The following ING5 variants were observed in gnomAD, a reference collection of about 807,000 sequenced individuals.
ING5 encodes inhibitor of growth family member 5.
Under a neutral mutation model 37.4 loss-of-function variants are expected in ING5, and 17 were observed. The observed-to-expected ratio is 0.45, with a 90% CI of 0.31 to 0.68. ING5 has a LOEUF of 0.68. Ranked by LOEUF, ING5 falls within the 30% of genes least tolerant of loss-of-function variation. The pLI is 0.05. For synonymous variants in ING5, 123 were observed against 116.6 expected (o/e 1.06, Z -0.36); for missense variants, 233 against 311.9 (o/e 0.75, Z 1.91).
At chr2:241,687,099 G>C (rs2069445654) in exon 1 of ING5, 1 of 390,028 alleles carries the variant, frequency 2.6e-6, no homozygotes, top group Non-Finnish European at 4.5e-6. Context: ...CGGGCTGGAC[G>C]GCCGGAGACG....
In ING5 at chr2:241,725,267, A is replaced by T. The variant is rs1233778143; in HGVS notation, c.*236A>T. ...TGTGGCTTTTACAGGACTCCCCCCG[A>T]GCATCAGCAGGGACCCCGGCGGACG... is the stretch of plus-strand genomic sequence containing the variant. On this transcript the variant is annotated 3_prime_UTR_variant, in exon 8 of 8. Coordinates refer to ENST00000313552, the MANE Select transcript of ING5 (RefSeq NM_032329.6). The T allele has an allele frequency of 1.5e-5, 8 of 546,258 alleles. No individual in the cohort carries two copies. The highest frequency in any genetic ancestry group is 9.4e-5 in the Admixed American group (3 of 32,022). 33.8% of individuals were successfully genotyped at this position (546,258 alleles called of 1,614,324 possible). A position where few individuals can be genotyped will look rare whatever the true frequency, so the allele number is the denominator to read the frequency against.
chr2:241,723,690 GGC>G (rs1691490089), intron 7 of ING5: 1 of 1,443,854 alleles, frequency 6.9e-7, no homozygotes, highest in African/African-American at 1.4e-5. Flanking sequence ...ATGGATCTGG[GGC>G]TCTGCCCCTG....
intron 5 of ING5, among the ~76,000 whole-genome samples, chr2:241,712,852 C>T (rs62191349): frequency 1.6e-3 from 243 of 151,904 alleles, no homozygotes; most frequent in Admixed American, 3.1e-3. Context: ...CAAGTGAGTC[C>T]CCCATCTCTA....
chr2:241,718,528 G>A (rs1374075876), intron 5 of ING5, among the ~76,000 whole-genome samples: 1 of 149,004 alleles, frequency 6.7e-6, no homozygotes, highest in African/African-American at 2.5e-5. Flanking sequence ...GCGATTCTCT[G>A]CCTCAGCCTC....
chr2:241,714,538 G>C (rs897956867), intron 5 of ING5, among the ~76,000 whole-genome samples: 6 of 151,178 alleles, frequency 4.0e-5, no homozygotes, highest in African/African-American at 1.5e-4. Flanking sequence ...TGTCTGTTAT[G>C]ATGACCCCTC....
chr2:241,694,005 G>T (rs1250428234), intron 2 of ING5: 1 of 151,766 alleles, frequency 6.6e-6, no homozygotes, highest in East Asian at 1.9e-4. Context: ...GGGTTTGCCA[G>T]TTTTGTGTGT....
chr2:241,721,717 T>C (rs2070442100), intron 5 of ING5: 1 of 985,478 alleles, frequency 1.0e-6, no homozygotes, highest in Non-Finnish European at 1.2e-6. Context: ...TTTTTCTTTC[T>C]GTACTAATGG....
At chr2:241,697,914 C>T (rs978826181), upstream of ING5, among the ~76,000 whole-genome samples, 12 of 151,962 alleles carry the variant, frequency 7.9e-5, no homozygotes, top group Non-Finnish European at 1.6e-4. Flanking sequence ...GAAACCCCAT[C>T]TCTGCTTAAA....
rs6437283 is a variant in ING5, at chr2:241,705,399, T to G, written c.109+675T>G. Among the ~76,000 whole-genome samples the G allele has an allele frequency of 2.2e-5, 3 of 136,458 alleles. 1 individual carries two copies. In the South Asian group the frequency reaches 7.3e-4, roughly 33 times the overall value. 89.5% of individuals were successfully genotyped at this position (136,458 alleles called of 152,430 possible). A position where few individuals can be genotyped will look rare whatever the true frequency, so the allele number is the denominator to read the frequency against. ...GGCCCTAACTCTGTTTTTTTCTTTT[T>G]TTTTTTTTTTTTTTTTGAGACAGAG... On this transcript the variant is annotated intron_variant, in intron 2 of 7. Transcript: ENST00000313552.
intron 2 of ING5, among the ~76,000 whole-genome samples, chr2:241,705,022 T>C (rs1248619679): frequency 6.6e-6 from 1 of 152,244 alleles, no homozygotes; most frequent in Non-Finnish European, 1.5e-5. Context: ...AAGTGTGTAG[T>C]GCGTGCATTG....
At chr2:241,696,544 G>T (rs1238095028) in intron 2 of ING5, among the ~76,000 whole-genome samples, 1 of 151,918 alleles carries the variant, frequency 6.6e-6, no homozygotes, top group African/African-American at 2.4e-5. Context: ...CCAGCACTTG[G>T]GGAGGCTGAG....
chr2:241,719,489 C>T (rs1350834439), intron 5 of ING5: 20 of 1,427,086 alleles, frequency 1.4e-5, no homozygotes, highest in Non-Finnish European at 1.9e-5. Flanking sequence ...TCAGTGGCAA[C>T]AGCGTTCTGA....
intron 7 of ING5, chr2:241,724,694 C>G (rs536417894): frequency 2.1e-6 from 1 of 475,238 alleles, no homozygotes; most frequent in East Asian, 3.7e-5. Flanking sequence ...ACCAGCGACC[C>G]TGCCATCGGC....
intron 1 of ING5, among the ~76,000 whole-genome samples, chr2:241,702,863 T>G (rs1470814978): frequency 1.3e-5 from 2 of 152,190 alleles, no homozygotes; most frequent in Non-Finnish European, 2.9e-5. Context: ...CGGCCCGGGA[T>G]GGGCACAGCT....
At chr2:241,696,364 C>T (rs140828784) in intron 2 of ING5, among the ~76,000 whole-genome samples, 13,394 of 151,796 alleles carry the variant, frequency 0.088, 1,490 homozygotes, top group African/African-American at 0.26. Context: ...GCACTCCAGC[C>T]GGGGTGACAG....
At chr2:241,719,422 C>A in intron 5 of ING5, 1 of 863,954 alleles carries the variant, frequency 1.2e-6, no homozygotes. Context: ...CTCCACAGCT[C>A]CCCGACATCT....
chr2:241,719,503 T>C (rs1374020226), intron 5 of ING5: 7 of 1,514,038 alleles, frequency 4.6e-6, no homozygotes, highest in Non-Finnish European at 6.2e-6. Context: ...GTTCTGAGTC[T>C]TCCTGCTCCT....
chr2:241,716,281 CTTT>C lies in ING5; in HGVS notation c.482+4230_482+4232del, dbSNP rs11332132. 9.2e-3 allele frequency among the ~76,000 whole-genome samples: 678 copies of C among 73,650 alleles called. 3 individuals are homozygous for C. Among genetic ancestry groups the C allele is most frequent in the African/African-American group, 0.039 (623 of 15,918 alleles). The allele number at this position is 73,650 out of a possible 152,430, so 48.3% of individuals were successfully genotyped here. ...CCCCACTCTTGTCTTATTAGCCATG[CTTT>C]TTTTTTTTTTTTTTTTTTTGAGACG... On this transcript the variant is annotated intron_variant, in intron 5 of 7. Transcript: ENST00000313552.
At chr2:241,693,783 G>A (rs188985991) in intron 2 of ING5, among the ~76,000 whole-genome samples, 22 of 145,118 alleles carry the variant, frequency 1.5e-4, no homozygotes, top group East Asian at 1.5e-3. Flanking sequence ...TCAGCCTCCC[G>A]AGTAGCTGGG....
Sources: allele counts gnomAD v4.1 joint callset (sites outside exome capture counted in the v4.1 genomes callset), GRCh38; gene constraint gnomAD v4.1.1; transcripts MANE v1.5; gene names NCBI Gene and HGNC (gene_info 2026-07-23, HGNC 2026-07-21).